The following RGL3 variants were observed in gnomAD, a reference collection of about 807,000 sequenced individuals.
RGL3 encodes ral guanine nucleotide dissociation stimulator-like 3.
A neutral mutation model predicts 90.6 loss-of-function variants in RGL3; 85 were observed. The observed-to-expected ratio is 0.94, with a 90% CI of 0.79 to 1.12. The LOEUF is 1.12. Among genes scored for constraint, RGL3 ranks in the 50% most tolerant of loss-of-function variants. The pLI is 0.00. For synonymous variants in RGL3, 408 were observed against 385.5 expected, an observed-to-expected ratio of 1.06 and a Z score of -0.68; for missense variants, 1,034 against 939.2, an observed-to-expected ratio of 1.10 and a Z score of -1.32.
intron 9 of RGL3, 66 bp downstream of exon 9, chr19:11,405,081 C>T: frequency 7.7e-7 from 1 of 1,303,046 alleles, no homozygotes; most frequent in East Asian, 2.3e-5. Flanking sequence ...ATTACCCCTG[C>T]CTGGCCCCAA....
At chr19:11,398,146 C>G (rs2144716900) in intron 16 of RGL3, among the ~76,000 whole-genome samples, 1 of 152,272 alleles carries the variant, frequency 6.6e-6, no homozygotes, top group South Asian at 2.1e-4. Flanking sequence ...CATATACAGA[C>G]TTTGGTTACC....
chr19:11,397,160 A>G (rs1168010602), intron 18 of RGL3, 84 bp downstream of exon 18: 1 of 1,139,924 alleles, frequency 8.8e-7, no homozygotes, highest in Non-Finnish European at 1.3e-6. Context: ...AACCCGGGTA[A>G]CCTTGGGCTC....
chr19:11,418,545 T>G, intron 2 of RGL3, 126 bp downstream of exon 2: 1 of 678,496 alleles, frequency 1.5e-6, no homozygotes, highest in Non-Finnish European at 2.4e-6. Context: ...GGTCGCCTCA[T>G]CTGGTCGCCT....
At chr19:11,418,643 C>T (rs1295323126) in intron 2 of RGL3, 28 bp downstream of exon 2, 5 of 1,511,060 alleles carry the variant, frequency 3.3e-6, no homozygotes, top group Admixed American at 2.0e-5. Context: ...CTTCCGGCCC[C>T]GCGCCACCCA....
At position 11,402,224 on chromosome 19, in the gene RGL3, C is replaced by T; in HGVS notation, c.1353G>A (p.Lys451=). ...TGTAGCCTCCACTCACCTTCCTCCT[C>T]TTCTCAAAGTTAATGAGATCCCCCT... ...MLEGDLINFE[K]RRKEWEILAR... Residue 451 remains lysine, a synonymous_variant, in exon 12 of 19, where the codon AAG becomes AAA. Transcript: ENST00000380456. 3 of 1,613,568 alleles carry T rather than the reference C, an allele frequency of 1.9e-6. No individual in the cohort carries two copies. The highest frequency in any genetic ancestry group is 2.5e-6 in the Non-Finnish European group (3 of 1,179,978).
intron 13 of RGL3, among the ~76,000 whole-genome samples, chr19:11,400,530 C>T (rs1310417556): frequency 2.0e-5 from 3 of 151,898 alleles, no homozygotes; most frequent in Non-Finnish European, 4.4e-5. Flanking sequence ...CAGGGTGGCA[C>T]TAAGGAATCA....
chr19:11,398,003 C>T (rs1208449537), intron 16 of RGL3, among the ~76,000 whole-genome samples: 1 of 150,712 alleles, frequency 6.6e-6, no homozygotes, highest in African/African-American at 2.5e-5. Flanking sequence ...AGCAAGACTC[C>T]ATCTCAAAAA....
chr19:11,406,483 C>A lies in RGL3; in HGVS notation c.932G>T (p.Gly311Val). ...CTGCGGGGCGGCCAAGCCCGGTGCT[C>A]CGAGCACGGAACCCAGCACACAGCC... is the stretch of plus-strand genomic sequence containing the variant. ...VTGCVLGSVLGAPGLAAPQRA... is the reference protein window; with the variant it reads ...VTGCVLGSVLVAPGLAAPQRA... The change falls in exon 7 of 19, where the codon GGA becomes GTA. Residue 311 changes from glycine to valine, a missense_variant. Transcript: ENST00000380456. 1 of 1,554,368 alleles carries A rather than the reference C, an allele frequency of 6.4e-7. No homozygotes were observed. The highest frequency in any genetic ancestry group is 1.2e-5 in the South Asian group (1 of 84,758).
chr19:11,414,173 A>ACACC (rs1968925633), intron 5 of RGL3, among the ~76,000 whole-genome samples: 4 of 96,610 alleles, frequency 4.1e-5, no homozygotes, highest in Non-Finnish European at 6.0e-5. Flanking sequence ...ATATATATAT[A>ACACC]TATACACCTA....
chr19:11,398,189 T>C (rs942156973), intron 16 of RGL3, among the ~76,000 whole-genome samples: 2 of 152,074 alleles, frequency 1.3e-5, no homozygotes, highest in East Asian at 3.8e-4. Context: ...AGTGTCCATA[T>C]ACACACAACC....
At chr19:11,415,795 T>C in intron 5 of RGL3, 142 bp downstream of exon 5, 4 of 787,614 alleles carry the variant, frequency 5.1e-6, no homozygotes, top group Non-Finnish European at 8.1e-6. Flanking sequence ...ATTATCCCCA[T>C]TGTAAAGATG....
rs1968681361 is a variant in RGL3, at chr19:11,401,880, G to A, written c.1484+131C>T. On this transcript the variant is annotated intron_variant, in intron 13 of 18. Coordinates refer to ENST00000380456, the MANE Select transcript of RGL3 (RefSeq NM_001035223.4). Reference sequence around the variant, plus strand: ...CGACTGGAGATACTGCAAGGTCACAGGTTGTAGTGGGGGATCAGGGCTCAA... The same window carrying A: ...CGACTGGAGATACTGCAAGGTCACAAGTTGTAGTGGGGGATCAGGGCTCAA... The A allele has an allele frequency of 2.5e-6, 3 of 1,203,966 alleles. No individual in the cohort carries two copies. In the South Asian group the frequency reaches 5.0e-5, roughly 20 times the overall value. The allele number at this position is 1,203,966 out of a possible 1,614,324, so 74.6% of individuals were successfully genotyped here.
Position 11,416,996 on chromosome 19 carries a change from C to T in RGL3, c.211G>A (p.Ala71Thr). 2 of 1,613,778 alleles carry T rather than the reference C, an allele frequency of 1.2e-6. No individual in the cohort carries two copies. Among genetic ancestry groups the T allele is most frequent in the Non-Finnish European group, 1.7e-6 (2 of 1,179,852 alleles). ...CCCACCAGCCGCTCCAGGCGCGCTG[C>T]CCTCAGCACCCTCACCTTGCTGGTT... ...YRTSKVRVLRAARLERLVGEL... is the reference protein window; with the variant it reads ...YRTSKVRVLRTARLERLVGEL... The change falls in exon 3 of 19, where the codon GCA becomes ACA. Residue 71 changes from alanine (A) to threonine (T), a missense_variant. Transcript: ENST00000380456.
intron 16 of RGL3, among the ~76,000 whole-genome samples, chr19:11,398,817 T>C (rs1428116840): frequency 6.6e-6 from 1 of 152,098 alleles, no homozygotes; most frequent in Non-Finnish European, 1.5e-5. Flanking sequence ...ACTACAGGTG[T>C]GCGCGACCAT....
chr19:11,411,665 A>C (rs1213784736), intron 5 of RGL3, among the ~76,000 whole-genome samples: 1 of 152,192 alleles, frequency 6.6e-6, no homozygotes, highest in East Asian at 1.9e-4. Context: ...TCTGTCACCT[A>C]GGCTGGAGTA....
chr19:11,416,805 G>T, intron 3 of RGL3, 31 bp downstream of exon 3: 1 of 1,610,510 alleles, frequency 6.2e-7, no homozygotes, highest in Non-Finnish European at 8.5e-7. Context: ...TTCTAGGGTG[G>T]AGAATACGGA....
chr19:11,407,743 A>G (rs1212630907), intron 5 of RGL3, among the ~76,000 whole-genome samples: 1 of 150,538 alleles, frequency 6.6e-6, no homozygotes, highest in Non-Finnish European at 1.5e-5. Flanking sequence ...CTGGAATGCA[A>G]TGGCGTGATC....
intron 5 of RGL3, among the ~76,000 whole-genome samples, chr19:11,409,114 C>A (rs1474004565): frequency 2.0e-5 from 3 of 150,648 alleles, no homozygotes; most frequent in Non-Finnish European, 4.4e-5. Flanking sequence ...GTGGAGGTTG[C>A]AGTGAGCCAG....
intron 18 of RGL3, among the ~76,000 whole-genome samples, chr19:11,394,880 A>G (rs1195305455): frequency 6.6e-6 from 1 of 152,128 alleles, no homozygotes; most frequent in Non-Finnish European, 1.5e-5. Flanking sequence ...ACTTGAGGTC[A>G]GGAATTCGAG....
Sources: allele counts gnomAD v4.1 joint callset (sites outside exome capture counted in the v4.1 genomes callset), GRCh38; gene constraint gnomAD v4.1.1; transcripts MANE v1.5; gene names NCBI Gene and HGNC (gene_info 2026-07-23, HGNC 2026-07-21).